TMX4: variants seen among roughly 807,000 people sequenced by gnomAD.
The protein encoded by TMX4 is thioredoxin-related transmembrane protein 4.
A neutral mutation model predicts 33.3 loss-of-function variants in TMX4; 23 were observed. The ratio of observed to expected loss-of-function variants is 0.69; its 90% CI spans 0.50 to 0.98. TMX4 has a LOEUF of 0.98. Among genes scored for constraint, TMX4 ranks in the 50% least tolerant of loss-of-function variants. The pLI is 0.00. For synonymous variants in TMX4, 164 were observed against 161.5 expected (o/e 1.02, Z -0.12); for missense variants, 399 against 448.9 (o/e 0.89, Z 1.01).
chr20:8,019,130 CA>C, intron 1 of TMX4: 1 of 488,432 alleles, frequency 2.0e-6, no homozygotes, highest in South Asian at 1.8e-5. Context: ...CACTGTCCCC[CA>C]AAGCAAGGGG....
chr20:7,994,430 T>C (rs1203271071), intron 5 of TMX4, among the ~76,000 whole-genome samples: 1 of 152,188 alleles, frequency 6.6e-6, no homozygotes, highest in Admixed American at 6.5e-5. Flanking sequence ...CTCTAAATGT[T>C]ACACATTGTA....
At chr20:7,999,673 C>A in intron 4 of TMX4, 59 bp downstream of exon 4, 2 of 1,559,064 alleles carry the variant, frequency 1.3e-6, no homozygotes, top group Non-Finnish European at 1.7e-6. Context: ...GACCCACAGG[C>A]TATTAACTTA....
intron 2 of TMX4, among the ~76,000 whole-genome samples, chr20:8,005,214 C>T (rs1028979688): frequency 3.6e-4 from 55 of 151,782 alleles, no homozygotes; most frequent in Non-Finnish European, 7.4e-5. Context: ...GGGTGATGAG[C>T]AGCTGCTGTT....
intron 5 of TMX4, among the ~76,000 whole-genome samples, chr20:7,991,667 A>G (rs1490023855): frequency 6.6e-6 from 1 of 152,236 alleles, no homozygotes; most frequent in African/African-American, 2.4e-5. Context: ...AAAATTAACA[A>G]AAGTTAAAGT....
intron 5 of TMX4, among the ~76,000 whole-genome samples, chr20:7,993,293 T>C (rs2050662717): frequency 6.6e-6 from 1 of 152,238 alleles, no homozygotes; most frequent in Non-Finnish European, 1.5e-5. Context: ...TCTCACCATG[T>C]ACAGTTGTTT....
intron 2 of TMX4, among the ~76,000 whole-genome samples, chr20:8,003,705 G>A (rs1223074945): frequency 2.0e-5 from 3 of 152,008 alleles, no homozygotes; most frequent in Non-Finnish European, 4.4e-5. Flanking sequence ...GCATCTTTCT[G>A]GTTCTGGCTA....
intron 1 of TMX4, among the ~76,000 whole-genome samples, 161 bp from the exon 2 acceptor site, chr20:8,010,476 T>A (rs747962432): frequency 1.9e-4 from 29 of 152,118 alleles, no homozygotes; most frequent in Non-Finnish European, 3.2e-4. Context: ...AAGCACATTG[T>A]CCCCACTAGG....
At chr20:7,998,880 G>A (rs1325628401) in intron 4 of TMX4, among the ~76,000 whole-genome samples, 1 of 152,090 alleles carries the variant, frequency 6.6e-6, no homozygotes, top group Non-Finnish European at 1.5e-5. Context: ...TGTAAAATAT[G>A]TTGTTGTGTT....
intron 5 of TMX4, among the ~76,000 whole-genome samples, chr20:7,988,362 T>C (rs988567053): frequency 1.3e-5 from 2 of 152,224 alleles, no homozygotes; most frequent in Admixed American, 6.5e-5. Flanking sequence ...TTTCTCAAAA[T>C]CTAAATCACT....
intron 1 of TMX4, among the ~76,000 whole-genome samples, chr20:8,018,347 AGGG>A (rs1568540918): frequency 1.4e-4 from 6 of 43,820 alleles, no homozygotes; most frequent in Admixed American, 2.7e-4. Flanking sequence ...GAGAGAGAGG[AGGG>A]AGAGAGAGAG....
chr20:7,992,198 AT>A (rs1239271764), intron 5 of TMX4, among the ~76,000 whole-genome samples: 2 of 152,188 alleles, frequency 1.3e-5, no homozygotes, highest in African/African-American at 2.4e-5. Flanking sequence ...ATCAAAATCA[AT>A]TTTGTCCTTT....
Position 8,010,267 on chromosome 20 carries a change from C to T in TMX4, c.225G>A (p.Glu75=), listed in dbSNP as rs1206560215. The T allele has an allele frequency of 1.9e-6, 3 of 1,612,046 alleles. No homozygotes were observed. The African/African-American group carries it at 4.0e-5, about 22-fold the overall frequency. The change falls in exon 2 of 8, where the codon GAG becomes GAA. Residue 75 remains glutamate (E), a synonymous_variant. Transcript: ENST00000246024. ...PSCQQTDSEW[E]AFAKNGEILQ... ...GTATTTCACCATTCTTTGCAAAAGC[C>T]TCCCATTCTGAATCAGTCTGCTGGC... is the stretch of plus-strand genomic sequence containing the variant.
intron 1 of TMX4, 175 bp downstream of exon 1, chr20:8,019,263 G>T (rs1418464592): frequency 4.1e-6 from 3 of 729,086 alleles, no homozygotes; most frequent in Non-Finnish European, 6.2e-6. Flanking sequence ...CGAGCCCAGC[G>T]GCAGTGCAGG....
chr20:7,992,531 A>C (rs775237748), intron 5 of TMX4, among the ~76,000 whole-genome samples: 2 of 152,230 alleles, frequency 1.3e-5, no homozygotes, highest in Non-Finnish European at 2.9e-5. Context: ...GAACTGCCTC[A>C]TAAGACTATT....
Position 7,999,708 on chromosome 20 carries a change from C to T in TMX4, c.467+24G>A, listed in dbSNP as rs752266807. On this transcript the variant is annotated intron_variant, in intron 4 of 7. Coordinates refer to ENST00000246024, the MANE Select transcript of TMX4 (RefSeq NM_021156.4). ...AAAACCTCCTGTTTTATTAGTAACA[C>T]CTTGTCTTAAAAAATTGAGTTACGT... The T allele has an allele frequency of 2.5e-6, 4 of 1,605,304 alleles. No homozygotes were observed. The South Asian group carries it at 4.5e-5, about 18-fold the overall frequency.
chr20:8,000,308 C>A (rs1337320884), intron 3 of TMX4, among the ~76,000 whole-genome samples: 1 of 152,100 alleles, frequency 6.6e-6, no homozygotes, highest in Non-Finnish European at 1.5e-5. Context: ...CTCTCACCTA[C>A]TTGCAGCAAT....
rs116074380 is a variant in TMX4 at position 7,991,525 on chromosome 20, C to T, written c.514-4136G>A. Among the ~76,000 whole-genome samples, 414 of 152,176 alleles carry T rather than the reference C, an allele frequency of 2.7e-3. 4 individuals carry two copies. Among genetic ancestry groups the T allele is most frequent in the African/African-American group, 9.3e-3 (387 of 41,524 alleles). ...CAGTGAGCACTTCCTTTAAGTGTCACGTTGGTGCTCAAACAGTTTCAGATT... is the reference window on the plus strand; with the variant it reads ...CAGTGAGCACTTCCTTTAAGTGTCATGTTGGTGCTCAAACAGTTTCAGATT... On this transcript the variant is annotated intron_variant, in intron 5 of 7. Transcript: ENST00000246024.
chr20:8,010,152 A>G, intron 2 of TMX4, 48 bp downstream of exon 2: 1 of 1,536,496 alleles, frequency 6.5e-7, no homozygotes. Flanking sequence ...AAAATTCAAA[A>G]TAAAAAGTCG....
chr20:8,003,498 A>C (rs752894273), intron 2 of TMX4, among the ~76,000 whole-genome samples: 2 of 152,206 alleles, frequency 1.3e-5, no homozygotes, highest in Non-Finnish European at 2.9e-5. Context: ...AATAAGTAGA[A>C]AAATATTTCA....
Sources: allele counts gnomAD v4.1 joint callset (sites outside exome capture counted in the v4.1 genomes callset), GRCh38; gene constraint gnomAD v4.1.1; transcripts MANE v1.5; gene names NCBI Gene and HGNC (gene_info 2026-07-23, HGNC 2026-07-21).